The following PRKD1 variants were observed in gnomAD, a reference collection of about 807,000 sequenced individuals.
PRKD1 encodes the protein protein kinase D1, also known as serine/threonine-protein kinase D1.
A neutral mutation model predicts 95.9 loss-of-function variants in PRKD1; 63 were observed. The observed-to-expected ratio is 0.66, with a 90% confidence interval of 0.54 to 0.81. The LOEUF (loss-of-function observed/expected upper bound fraction) is 0.81. PRKD1 is among the 30% of genes least tolerant of loss of function. The probability of loss-of-function intolerance (pLI) is 0.00; values close to 1 mark genes in which losing one functional copy is unlikely to be tolerated. For missense variants in PRKD1, 1,048 were observed against 1,165.3 expected (o/e 0.90, Z 1.47); for synonymous variants, 425 against 423.1 (o/e 1.00, Z -0.05).
At chr14:29,679,745 T>A (rs1257706742) in intron 2 of PRKD1, among the ~76,000 whole-genome samples, 1 of 121,268 alleles carries the variant, frequency 8.2e-6, no homozygotes, top group Non-Finnish European at 1.7e-5. Flanking sequence ...TTTTTTTTTC[T>A]GATCTGGAGT....
intron 1 of PRKD1, among the ~76,000 whole-genome samples, chr14:29,784,255 CTT>C (rs1045090521): frequency 8.6e-5 from 13 of 151,408 alleles, no homozygotes; most frequent in African/African-American, 3.1e-4. Flanking sequence ...GCTCTTGGTA[CTT>C]TTGTCACCAA....
At chr14:29,867,950 T>C (rs1437845484) in intron 1 of PRKD1, among the ~76,000 whole-genome samples, 1 of 152,238 alleles carries the variant, frequency 6.6e-6, no homozygotes, top group Non-Finnish European at 1.5e-5. Context: ...TTTGAACCAC[T>C]AGAAAGCATT....
At chr14:29,814,496 G>C (rs1306543097) in intron 1 of PRKD1, among the ~76,000 whole-genome samples, 2 of 152,164 alleles carry the variant, frequency 1.3e-5, no homozygotes, top group African/African-American at 4.8e-5. Context: ...GACTACATCA[G>C]TATACTAAGG....
intron 15 of PRKD1, among the ~76,000 whole-genome samples, chr14:29,598,577 G>T (rs1051859980): frequency 6.6e-6 from 1 of 152,186 alleles, no homozygotes; most frequent in East Asian, 1.9e-4. Flanking sequence ...AGGACCGGAA[G>T]GTGTTAGGGA....
At position 29,644,309 on chromosome 14, in the gene PRKD1, A is replaced by C. The variant is rs565731824; in HGVS notation, c.697-5405T>G. Among the ~76,000 whole-genome samples the C allele has an allele frequency of 2.1e-4, 32 of 152,322 alleles. No homozygotes were observed. The South Asian group carries it at 6.2e-3, about 30-fold the overall frequency. ...TGCTCCTTGCCCCTACTTCAACATG[A>C]AAATCTGTGCAGAACTCTTCTGCTA... is the stretch of plus-strand genomic sequence containing the variant. On this transcript the variant is annotated intron_variant, in intron 4 of 17. Transcript: ENST00000331968.
At chr14:29,751,569 A>G (rs1182218865) in intron 1 of PRKD1, among the ~76,000 whole-genome samples, 1 of 152,226 alleles carries the variant, frequency 6.6e-6, no homozygotes, top group Non-Finnish European at 1.5e-5. Context: ...GACACTCTAG[A>G]ACCTCCTACC....
At chr14:29,596,807 G>A (rs947415824) in intron 16 of PRKD1, among the ~76,000 whole-genome samples, 3 of 152,110 alleles carry the variant, frequency 2.0e-5, no homozygotes, top group Admixed American at 6.6e-5. Context: ...TACTGAATGA[G>A]TCACTTTCTC....
intron 1 of PRKD1, among the ~76,000 whole-genome samples, chr14:29,848,090 A>T (rs1892155030): frequency 6.6e-6 from 1 of 152,138 alleles, no homozygotes; most frequent in Non-Finnish European, 1.5e-5. Context: ...CTCTTTACAC[A>T]GTAACAACTA....
At chr14:29,719,095 A>AT (rs1457360077) in intron 2 of PRKD1, among the ~76,000 whole-genome samples, 1 of 151,916 alleles carries the variant, frequency 6.6e-6, no homozygotes, top group African/African-American at 2.4e-5. Flanking sequence ...TTGTTACCAT[A>AT]TTTTTTTTCC....
intron 1 of PRKD1, among the ~76,000 whole-genome samples, chr14:29,757,656 A>G (rs1887771161): frequency 6.6e-6 from 1 of 151,672 alleles, no homozygotes; most frequent in Non-Finnish European, 1.5e-5. Flanking sequence ...TTGGTTTTTA[A>G]AAATAAACCA....
intron 1 of PRKD1, among the ~76,000 whole-genome samples, chr14:29,763,349 A>AGGAAGGAAGGAAGGAG (rs559002277): frequency 0.13 from 15,084 of 120,030 alleles, 1,330 homozygotes; most frequent in Non-Finnish European, 0.17. Context: ...GAACGAAGCA[A>AGGAAGGAAGGAAGGAG]GGAAGGAAGG....
chr14:29,847,703 T>C (rs1892135805), intron 1 of PRKD1, among the ~76,000 whole-genome samples: 2 of 152,176 alleles, frequency 1.3e-5, no homozygotes, highest in Non-Finnish European at 2.9e-5. Flanking sequence ...CCGTTTAAGA[T>C]TCATGCTTCC....
At chr14:29,812,768 G>T (rs559893331) in intron 1 of PRKD1, among the ~76,000 whole-genome samples, 1 of 152,220 alleles carries the variant, frequency 6.6e-6, no homozygotes, top group South Asian at 2.1e-4. Context: ...ATGAGATTTG[G>T]GTGGGGACAC....
At chr14:29,677,440 T>C (rs1883296017) in intron 2 of PRKD1, among the ~76,000 whole-genome samples, 2 of 152,226 alleles carry the variant, frequency 1.3e-5, no homozygotes, top group African/African-American at 4.8e-5. Flanking sequence ...AGTAAGCATA[T>C]CAACTGCAAA....
intron 6 of PRKD1, among the ~76,000 whole-genome samples, chr14:29,638,121 T>C (rs1333626063): frequency 2.6e-5 from 4 of 152,142 alleles, no homozygotes; most frequent in Non-Finnish European, 5.9e-5. Context: ...TTAAAGATGA[T>C]TGAAATGAGA....
chr14:29,619,247 G>A (rs973309597), intron 13 of PRKD1, among the ~76,000 whole-genome samples: 7 of 151,904 alleles, frequency 4.6e-5, no homozygotes, highest in African/African-American at 1.4e-4. Flanking sequence ...GTCTCTTCAG[G>A]TTCAAGATGG....
intron 1 of PRKD1, among the ~76,000 whole-genome samples, chr14:29,885,958 C>T (rs1024921659): frequency 2.0e-5 from 3 of 151,516 alleles, no homozygotes; most frequent in East Asian, 1.9e-4. Flanking sequence ...CAGCAAGACT[C>T]GGTCTCAAAT....
intron 1 of PRKD1, among the ~76,000 whole-genome samples, chr14:29,829,611 T>C (rs1891325787): frequency 6.6e-6 from 1 of 152,198 alleles, no homozygotes; most frequent in Admixed American, 6.5e-5. Flanking sequence ...ATAAGAGACC[T>C]TCTTTTAAAT....
intron 1 of PRKD1, among the ~76,000 whole-genome samples, chr14:29,826,141 T>C (rs940183208): frequency 2.0e-5 from 3 of 148,758 alleles, no homozygotes; most frequent in African/African-American, 7.4e-5. Context: ...TATATATATA[T>C]GGATGTACAT....
Sources: allele counts gnomAD v4.1 joint callset (sites outside exome capture counted in the v4.1 genomes callset), GRCh38; gene constraint gnomAD v4.1.1; transcripts MANE v1.5; gene names NCBI Gene and HGNC (gene_info 2026-07-23, HGNC 2026-07-21).